The following CYP2F1 variants were observed in gnomAD, a reference collection of about 807,000 sequenced individuals.
CYP2F1 encodes the protein cytochrome P450 family 2 subfamily F member 1.
CYP2F1 carries 33 observed loss-of-function variants against 40.4 expected under a neutral mutation model. That is an observed-to-expected ratio of 0.82 (90% CI 0.62 to 1.09). CYP2F1 has a LOEUF of 1.09. CYP2F1 is among the 50% of genes least tolerant of loss of function. The probability of loss-of-function intolerance (pLI) is 0.00; values close to 1 mark genes in which losing one functional copy is unlikely to be tolerated. For synonymous variants in CYP2F1, 235 were observed against 277.2 expected (o/e 0.85, Z 1.51); for missense variants, 566 against 655.7 (o/e 0.86, Z 1.49).
chr19:41,123,814 G>A (rs1000401024), intron 7 of CYP2F1, among the ~76,000 whole-genome samples: 3 of 151,920 alleles, frequency 2.0e-5, no homozygotes, highest in Non-Finnish European at 2.9e-5. Flanking sequence ...GTGAGCCACC[G>A]CTCCTGCCTC....
rs1436278861 is a variant in CYP2F1, at chr19:41,121,733, C to A, written c.645+115C>A. 6.8e-6 allele frequency: 7 copies of A among 1,028,410 alleles called. No individual in the cohort carries two copies. The Admixed American group carries it at 1.7e-4, about 26-fold the overall frequency. 63.7% of individuals were successfully genotyped at this position (1,028,410 alleles called of 1,614,324 possible). On this transcript the variant is annotated intron_variant, in intron 5 of 9. Coordinates refer to ENST00000331105, the MANE Select transcript of CYP2F1 (RefSeq NM_000774.5). ...ATGGCCCGCCCAGGGCCCGCCCCCT[C>A]CCATCTGACCCCACCCAGAGTTACA...
chr19:41,121,371 A>C, intron 4 of CYP2F1, 87 bp from the exon 5 acceptor site: 2 of 1,336,480 alleles, frequency 1.5e-6, no homozygotes, highest in Non-Finnish European at 2.1e-6. Flanking sequence ...GTTGAGTCGG[A>C]TGTTGTACAA....
chr19:41,119,296 T>G (rs2031998334), intron 3 of CYP2F1, among the ~76,000 whole-genome samples: 1 of 152,100 alleles, frequency 6.6e-6, no homozygotes, highest in Admixed American at 6.6e-5. Flanking sequence ...TTCTTGCCTA[T>G]CTCTCTTATT....
rs374996059 is a variant in CYP2F1 at position 41,128,113 on chromosome 19, C to G, written c.*31C>G. On this transcript the variant is annotated 3_prime_UTR_variant, in exon 10 of 10. Transcript: ENST00000331105. The stretch of plus-strand genomic sequence containing the variant: ...CGGCCCTTCCAGATTCGCCTGTGAG[C>G]GATGAGGCCCGCCCATGCGGGTTGC... 2 of 1,581,284 alleles carry G rather than the reference C, an allele frequency of 1.3e-6. No homozygotes were observed. Among genetic ancestry groups the G allele is most frequent in the South Asian group, 2.3e-5 (2 of 87,888 alleles).
At chr19:41,119,817 T>C (rs56973556) in intron 3 of CYP2F1, among the ~76,000 whole-genome samples, 1 of 142,912 alleles carries the variant, frequency 7.0e-6, no homozygotes, top group Non-Finnish European at 1.5e-5. Flanking sequence ...GGTGCACACC[T>C]GTAATCCCAG....
intron 7 of CYP2F1, among the ~76,000 whole-genome samples, chr19:41,124,255 C>CCCCTT (rs1568381420): frequency 5.7e-5 from 2 of 35,250 alleles, no homozygotes; most frequent in African/African-American, 2.4e-4. Context: ...TCCCCCCCCC[C>CCCCTT]TTTTTTTTTT....
At position 41,120,343 on chromosome 19, in the gene CYP2F1, C is replaced by T; in HGVS notation, c.335-4C>T. ...TTAAGCTGGTCCCCTCCTCTTCTCC[C>T]CAGGCATCGCCTTCTCCAGTGGGGA... On this transcript the variant is annotated splice_region_variant and splice_polypyrimidine_tract_variant and intron_variant, in intron 3 of 9. Transcript: ENST00000331105. The T allele has an allele frequency of 1.9e-6, 3 of 1,586,182 alleles. No homozygotes were observed. The highest frequency in any genetic ancestry group is 2.6e-6 in the Non-Finnish European group (3 of 1,168,422).
chr19:41,125,745 A>T, intron 9 of CYP2F1, 111 bp downstream of exon 9: 2 of 1,612,284 alleles, frequency 1.2e-6, no homozygotes, highest in Non-Finnish European at 1.7e-6. Flanking sequence ...TCAGCTTTGG[A>T]TGCACAGAGA....
intron 1 of CYP2F1, among the ~76,000 whole-genome samples, chr19:41,115,553 GACAGATGATAC>G: frequency 6.6e-6 from 1 of 152,102 alleles, no homozygotes; most frequent in African/African-American, 2.4e-5. Flanking sequence ...ATAGATAATA[GACAGATGATAC>G]ACAGATGATA....
At chr19:41,116,712 C>A in intron 3 of CYP2F1, 95 bp downstream of exon 3, 1 of 1,391,352 alleles carries the variant, frequency 7.2e-7, no homozygotes, top group Non-Finnish European at 9.9e-7. Flanking sequence ...TGTTGACACT[C>A]AGGGCTGCTG....
intron 3 of CYP2F1, among the ~76,000 whole-genome samples, chr19:41,117,133 A>T (rs572269024): frequency 1.0e-4 from 15 of 147,028 alleles, no homozygotes; most frequent in East Asian, 4.0e-4. Context: ...GTCAAACTGA[A>T]TTTTTTTTTT....
intron 9 of CYP2F1, among the ~76,000 whole-genome samples, chr19:41,126,326 G>A (rs2032545505): frequency 6.6e-6 from 1 of 152,084 alleles, no homozygotes; most frequent in Non-Finnish European, 1.5e-5. Flanking sequence ...TCTGGAGGCT[G>A]AGGCAGGAGA....
At position 41,116,596 on chromosome 19, in the gene CYP2F1, T is replaced by C. The variant is rs1288060628; in HGVS notation, c.313T>C (p.Phe105Leu). 2.5e-6 allele frequency: 4 copies of C among 1,613,906 alleles called. No homozygotes were observed. In the South Asian group the frequency reaches 4.4e-5, roughly 18 times the overall value. Residue 105 changes from phenylalanine (F) to leucine (L), a missense_variant, in exon 3 of 10, where the codon TTC (phenylalanine) becomes CTC (leucine). Physicochemically the swap from Phe to Leu is conservative, Grantham distance 22 (BLOSUM62 0). Transcript: ENST00000331105. The part of the protein sequence containing the change: ...FSGRGDYPAF[F>L]NFTKGNGIAF... ...TGGCCGCGGTGACTACCCTGCCTTT[T>C]TCAACTTTACCAAGGGCAATGGTAA... is the stretch of plus-strand genomic sequence containing the variant.
intron 3 of CYP2F1, among the ~76,000 whole-genome samples, chr19:41,118,515 C>T (rs2031954928): frequency 6.6e-6 from 1 of 152,136 alleles, no homozygotes; most frequent in South Asian, 2.1e-4. Context: ...GGTACACGTT[C>T]CATCCTTCAT....
At chr19:41,122,767 T>C in intron 6 of CYP2F1, 55 bp from the exon 7 acceptor site, 1 of 1,507,740 alleles carries the variant, frequency 6.6e-7, no homozygotes, top group South Asian at 1.4e-5. Context: ...TGTACTGGTC[T>C]AGAGTGAAGG....
intron 9 of CYP2F1, 95 bp downstream of exon 9, chr19:41,125,729 C>G (rs749271418): frequency 1.9e-6 from 3 of 1,613,516 alleles, no homozygotes; most frequent in South Asian, 2.2e-5. Context: ...TTCCTTCCAC[C>G]CATTCTCAGC....
At chr19:41,116,000 G>C (rs963763482) in intron 1 of CYP2F1, among the ~76,000 whole-genome samples, 178 bp from the exon 2 acceptor site, 2 of 151,978 alleles carry the variant, frequency 1.3e-5, no homozygotes, top group East Asian at 3.9e-4. Context: ...CTGTCTATAT[G>C]TTGACTATCT....
At position 41,116,283 on chromosome 19, in the gene CYP2F1, C is replaced by T. The variant is rs200700685; in HGVS notation, c.95C>T (p.Pro32Leu). The change falls in exon 2 of 10, where the codon CCG (proline) becomes CTG (leucine). Residue 32 changes from proline to leucine, a missense_variant. Physicochemically the swap from Pro to Leu is moderately conservative, Grantham distance 98. Around this residue, in one of 5 missense-constraint regions of CYP2F1, gnomAD observed 264 missense variants for 275.7 expected, o/e 0.96. Transcript: ENST00000331105. ...LSSRDKGKLP[P>L]GPRPLSILGN... is the part of the protein sequence containing the mutation. ...TCAAGAGATAAGGGAAAGCTGCCTC[C>T]GGGACCCAGACCCCTCTCAATCCTG... 1.5e-4 allele frequency: 247 copies of T among 1,613,966 alleles called. No individual in the cohort carries two copies. Among genetic ancestry groups the T allele is most frequent in the Admixed American group, 1.3e-4 (8 of 59,986 alleles).
intron 3 of CYP2F1, among the ~76,000 whole-genome samples, chr19:41,117,032 A>G (rs2031858577): frequency 6.6e-6 from 1 of 151,974 alleles, no homozygotes; most frequent in African/African-American, 2.4e-5. Context: ...CACAACACTG[A>G]CAGCATCTCA....
Sources: gnomAD v4.1 joint callset for allele counts (sites outside exome capture counted in the v4.1 genomes callset) on GRCh38, gnomAD v4.1.1 for gene constraint, gnomAD v4.1.1 regional missense constraint, MANE v1.5 for transcripts, NCBI Gene and HGNC (gene_info 2026-07-23, HGNC 2026-07-21) for gene names.